The following KAZN variants were observed in gnomAD, a reference collection of about 807,000 sequenced individuals.
The protein encoded by KAZN is kazrin.
KAZN carries 40 observed loss-of-function variants against 87.4 expected under a neutral mutation model. The ratio of observed to expected loss-of-function variants is 0.46; its 90% CI spans 0.36 to 0.60. The LOEUF is 0.60. Ranked by LOEUF, KAZN falls within the 20% of genes least tolerant of loss-of-function variation. The pLI, the probability that KAZN is intolerant of heterozygous loss-of-function variation, is 0.00. For missense variants in KAZN, 898 were observed against 1,073.9 expected, an observed-to-expected ratio of 0.84 and a Z score of 2.29; for synonymous variants, 466 against 458.3, an observed-to-expected ratio of 1.02 and a Z score of -0.22.
At chr1:14,292,960 T>C (rs542634308) in intron 2 of KAZN, among the ~76,000 whole-genome samples, 264 of 152,290 alleles carry the variant, frequency 1.7e-3, no homozygotes, top group Admixed American at 2.7e-3. Flanking sequence ...TAGGCAGACT[T>C]CACAGATCCT....
chr1:14,253,761 C>G (rs892088798), intron 2 of KAZN, among the ~76,000 whole-genome samples: 12 of 152,104 alleles, frequency 7.9e-5, no homozygotes, highest in African/African-American at 2.9e-4. Flanking sequence ...TAAGAGAGAG[C>G]TCTTTGGCAT....
chr1:14,234,642 G>T (rs890909566), intron 2 of KAZN, among the ~76,000 whole-genome samples: 1 of 152,148 alleles, frequency 6.6e-6, no homozygotes, highest in African/African-American at 2.4e-5. Flanking sequence ...TGCAAGGTGT[G>T]GGGGTGGTGG....
At chr1:14,464,683 T>C (rs1668023037) in intron 2 of KAZN, among the ~76,000 whole-genome samples, 1 of 151,906 alleles carries the variant, frequency 6.6e-6, no homozygotes, top group African/African-American at 2.4e-5. Flanking sequence ...GGACTACAGA[T>C]ACATGCCACC....
Position 15,017,297 on chromosome 1 carries a change from CA to C in KAZN, c.419-17443del, listed in dbSNP as rs972750455. Among the ~76,000 whole-genome samples, 6 of 150,244 alleles carry C rather than the reference CA, an allele frequency of 4.0e-5. No individual in the cohort carries two copies. The East Asian group carries it at 5.9e-4, about 15-fold the overall frequency. ...TGCGCAACAGAGCGAGATTCAGTCT[CA>C]AAAAAAAAGACCTTATCTGTCTTAT... On this transcript the variant is annotated intron_variant, in intron 2 of 14. Transcript: ENST00000376030.
intron 2 of KAZN, among the ~76,000 whole-genome samples, chr1:14,514,596 T>TATATATA (rs1671190089): frequency 1.6e-4 from 6 of 38,198 alleles, no homozygotes; most frequent in African/African-American, 5.6e-4. Flanking sequence ...TTTTATATTT[T>TATATATA]ATATATATAT....
chr1:14,511,187 A>T (rs1217008243), intron 2 of KAZN, among the ~76,000 whole-genome samples: 1 of 152,188 alleles, frequency 6.6e-6, no homozygotes, highest in Non-Finnish European at 1.5e-5. Flanking sequence ...AACCAGAAAT[A>T]GCAGACAGCT....
chr1:14,796,353 A>C (rs760269791), intron 1 of KAZN, among the ~76,000 whole-genome samples: 3 of 152,148 alleles, frequency 2.0e-5, no homozygotes, highest in Non-Finnish European at 4.4e-5. Flanking sequence ...GTCTTAGTGA[A>C]GCCACGTGTC....
chr1:13,971,010 T>C (rs959952752), intron 1 of KAZN, among the ~76,000 whole-genome samples: 3 of 152,234 alleles, frequency 2.0e-5, no homozygotes, highest in African/African-American at 7.2e-5. Flanking sequence ...AAACTCTGTG[T>C]CTGTCACTCA....
At chr1:14,921,694 G>A (rs1658543629) in intron 1 of KAZN, among the ~76,000 whole-genome samples, 2 of 152,064 alleles carry the variant, frequency 1.3e-5, no homozygotes, top group African/African-American at 2.4e-5. Context: ...TGTTTATAGG[G>A]GTTTTTTTGT....
chr1:15,065,141 G>T (rs1178208118), intron 7 of KAZN, among the ~76,000 whole-genome samples: 1 of 142,126 alleles, frequency 7.0e-6, no homozygotes, highest in East Asian at 2.1e-4. Context: ...TGATTCTCCT[G>T]CCTTAGCCTC....
At position 14,692,885 on chromosome 1, in the gene KAZN, A is replaced by T. The variant is rs143495197; in HGVS notation, c.226+93662A>T. On this transcript the variant is annotated intron_variant, in intron 1 of 14. Transcript: ENST00000376030. ...GAGGTGGAGGTTGCAGTAAGCTGAG[A>T]TTGCACCACTGCACCTCAGCCTGGG... Among the ~76,000 whole-genome samples, 301 of 152,332 alleles carry T rather than the reference A, an allele frequency of 2.0e-3. 4 individuals are homozygous for T. In the East Asian group the frequency reaches 0.038, roughly 19 times the overall value.
intron 2 of KAZN, among the ~76,000 whole-genome samples, chr1:14,570,052 G>T (rs1185227422): frequency 6.6e-6 from 1 of 152,130 alleles, no homozygotes; most frequent in South Asian, 2.1e-4. Flanking sequence ...GGTAGAGGTT[G>T]CAGTGAGCCA....
chr1:14,380,359 C>T (rs1661266117), intron 2 of KAZN, among the ~76,000 whole-genome samples: 5 of 152,110 alleles, frequency 3.3e-5, no homozygotes, highest in Admixed American at 3.3e-4. Context: ...ATGAACTCAA[C>T]AAATGAACTA....
intron 1 of KAZN, among the ~76,000 whole-genome samples, chr1:14,854,125 C>T (rs1007491019): frequency 1.3e-5 from 2 of 152,158 alleles, no homozygotes; most frequent in Non-Finnish European, 2.9e-5. Context: ...ACCTACCCCC[C>T]GGTTAGATCA....
At chr1:14,832,294 C>T (rs1647072791) in intron 1 of KAZN, among the ~76,000 whole-genome samples, 1 of 152,058 alleles carries the variant, frequency 6.6e-6, no homozygotes, top group Non-Finnish European at 1.5e-5. Context: ...GTCTCTCTAT[C>T]TCTGGGATCT....
chr1:14,336,819 A>T (rs1657303107), intron 2 of KAZN, among the ~76,000 whole-genome samples: 1 of 152,066 alleles, frequency 6.6e-6, no homozygotes, highest in Non-Finnish European at 1.5e-5. Context: ...GTTGAATTAT[A>T]TTTTTTTATA....
intron 1 of KAZN, among the ~76,000 whole-genome samples, chr1:14,118,868 T>C (rs1000910590): frequency 2.0e-5 from 3 of 152,166 alleles, no homozygotes; most frequent in African/African-American, 7.2e-5. Flanking sequence ...ATCTGAGCTG[T>C]AATTTGACTC....
At chr1:14,632,567 G>A (rs1029565377) in intron 1 of KAZN, among the ~76,000 whole-genome samples, 4 of 142,018 alleles carry the variant, frequency 2.8e-5, no homozygotes, top group African/African-American at 5.5e-5. Context: ...CTTTCTTTTG[G>A]GCTTTTTTTT....
intron 2 of KAZN, among the ~76,000 whole-genome samples, chr1:14,358,392 T>G (rs1659223384): frequency 6.6e-6 from 1 of 151,884 alleles, no homozygotes; most frequent in Non-Finnish European, 1.5e-5. Context: ...ATTCATTGAG[T>G]TTTTAAATGG....
Sources: allele counts gnomAD v4.1 joint callset (sites outside exome capture counted in the v4.1 genomes callset), GRCh38; gene constraint gnomAD v4.1.1; transcripts MANE v1.5; gene names NCBI Gene and HGNC (gene_info 2026-07-23, HGNC 2026-07-21).